The following CLINT1 variants were observed in gnomAD, a reference collection of about 807,000 sequenced individuals.
CLINT1 encodes the protein clathrin interactor 1, also known as clathrin interacting protein localized in the trans-Golgi region.
CLINT1 carries 15 observed loss-of-function variants against 70.4 expected under a neutral mutation model. The observed-to-expected ratio is 0.21, with a 90% CI of 0.14 to 0.33. CLINT1 has a LOEUF of 0.33. Ranked by LOEUF, CLINT1 falls within the 10% of genes least tolerant of loss-of-function variation. The pLI is 1.00. For missense variants in CLINT1, 615 were observed against 778.1 expected, an observed-to-expected ratio of 0.79 and a Z score of 2.49; for synonymous variants, 227 against 254.7, an observed-to-expected ratio of 0.89 and a Z score of 1.04.
intron 10 of CLINT1, 54 bp downstream of exon 10, chr5:157,791,649 T>C: frequency 4.0e-6 from 6 of 1,482,440 alleles, no homozygotes; most frequent in Non-Finnish European, 5.5e-6. Flanking sequence ...TTCAATGAGT[T>C]AGAGCATCTC....
At chr5:157,828,892 C>G (rs1145595) in intron 1 of CLINT1, among the ~76,000 whole-genome samples, 1 of 143,916 alleles carries the variant, frequency 6.9e-6, no homozygotes, top group Admixed American at 7.2e-5. Flanking sequence ...AGTTCGAGAC[C>G]AGCCTGGCCA....
At position 157,817,483 on chromosome 5, in the gene CLINT1, G is replaced by C; in HGVS notation, c.106C>G (p.Pro36Ala). ...ATGAGTTGCCCAGAAGGTCCCCAAG[G>C]ATCATCGTTCGTTGCCTCTCGAACC... is the stretch of plus-strand genomic sequence containing the variant. ...SKVREATNDD[P>A]WGPSGQLMGE... is the part of the protein sequence containing the mutation. Residue 36 changes from proline (P) to alanine (A), a missense_variant, in exon 2 of 12, where the codon CCT (proline) becomes GCT (alanine). By Grantham distance (27) the Pro-to-Ala change is conservative (BLOSUM62 -1). Transcript: ENST00000411809. 1 of 1,605,856 alleles carries C rather than the reference G, an allele frequency of 6.2e-7. No homozygotes were observed. Among genetic ancestry groups the C allele is most frequent in the Non-Finnish European group, 8.5e-7 (1 of 1,175,720 alleles).
rs34428070 is a variant in CLINT1, at chr5:157,787,512, CT to C, written c.*133del. ...GGATATTTCACTTTTATAAAACAGC[CT>C]TTTTGGTTCTTTATGTAGATTTATT... On this transcript the variant is annotated 3_prime_UTR_variant, in exon 12 of 12. Coordinates refer to ENST00000411809, the MANE Select transcript of CLINT1 (RefSeq NM_014666.4). 2 of 798,556 alleles carry C rather than the reference CT, an allele frequency of 2.5e-6. No homozygotes were observed. The highest frequency in any genetic ancestry group is 2.0e-6 in the Non-Finnish European group (1 of 501,754). The allele number at this position is 798,556 out of a possible 1,614,324, so 49.5% of individuals were successfully genotyped here.
chr5:157,795,066 A>G, intron 8 of CLINT1, 94 bp from the exon 9 acceptor site: 1 of 953,004 alleles, frequency 1.0e-6, no homozygotes, highest in Admixed American at 2.1e-5. Context: ...AAAGTACCTA[A>G]TATTAGAGGC....
At chr5:157,851,997 C>T (rs2113335087) in intron 1 of CLINT1, among the ~76,000 whole-genome samples, 1 of 152,326 alleles carries the variant, frequency 6.6e-6, no homozygotes, top group East Asian at 1.9e-4. Flanking sequence ...CTTGTATATA[C>T]TGTTTGTCCA....
At chr5:157,826,182 C>T (rs1286264982) in intron 1 of CLINT1, among the ~76,000 whole-genome samples, 1 of 152,084 alleles carries the variant, frequency 6.6e-6, no homozygotes, top group African/African-American at 2.4e-5. Context: ...TTGTGTGTAT[C>T]TTCAAAATTA....
intron 1 of CLINT1, among the ~76,000 whole-genome samples, chr5:157,837,196 G>A (rs150920916): frequency 6.6e-6 from 1 of 152,260 alleles, no homozygotes; most frequent in Non-Finnish European, 1.5e-5. Flanking sequence ...GAGCCCGGGA[G>A]TTTAAGACCA....
At chr5:157,795,079 A>C (rs1238261152) in intron 8 of CLINT1, 107 bp from the exon 9 acceptor site, 2 of 823,774 alleles carry the variant, frequency 2.4e-6, no homozygotes, top group African/African-American at 3.4e-5. Flanking sequence ...TTAGAGGCCC[A>C]GATGCCTCAC....
rs983958784 is a variant in CLINT1, at chr5:157,794,471, T to C, written c.1087+427A>G. 2.6e-5 allele frequency among the ~76,000 whole-genome samples: 4 copies of C among 152,216 alleles called. No homozygotes were observed. In the South Asian group the frequency reaches 8.3e-4, roughly 32 times the overall value. Reference sequence around the variant, plus strand: ...CAGTTATTTTTCACATAAATGCTTTTAAGATATCTAAATTAAAAAGGAATG... The same window carrying C: ...CAGTTATTTTTCACATAAATGCTTTCAAGATATCTAAATTAAAAAGGAATG... On this transcript the variant is annotated intron_variant, in intron 9 of 11. Transcript: ENST00000411809.
At chr5:157,832,704 A>AT (rs1763285249) in intron 1 of CLINT1, among the ~76,000 whole-genome samples, 1 of 152,190 alleles carries the variant, frequency 6.6e-6, no homozygotes, top group South Asian at 2.1e-4. Context: ...CTCCTACTGT[A>AT]TCAGTGGACA....
At chr5:157,789,710 A>G in intron 10 of CLINT1, 197 bp from the exon 11 acceptor site, 1 of 682,384 alleles carries the variant, frequency 1.5e-6, no homozygotes, top group Admixed American at 2.9e-5. Context: ...CTGAATCATT[A>G]GCTTCCCAAA....
At chr5:157,829,689 A>ATTTTT (rs3075709) in intron 1 of CLINT1, among the ~76,000 whole-genome samples, 138 of 109,064 alleles carry the variant, frequency 1.3e-3, no homozygotes, top group Non-Finnish European at 1.8e-3. Context: ...ACACCCAGCT[A>ATTTTT]TTTTTTTTTT....
intron 1 of CLINT1, among the ~76,000 whole-genome samples, chr5:157,853,368 C>T (rs970295390): frequency 6.6e-6 from 1 of 151,086 alleles, no homozygotes; most frequent in Admixed American, 6.6e-5. Context: ...AAAAAAAAGT[C>T]CAGAAAAAGA....
intron 1 of CLINT1, among the ~76,000 whole-genome samples, chr5:157,844,988 A>T (rs947113936): frequency 6.6e-6 from 1 of 152,162 alleles, no homozygotes; most frequent in Non-Finnish European, 1.5e-5. Flanking sequence ...GGTCAGAAAA[A>T]ATTCCTTCTA....
At chr5:157,839,635 A>C (rs111662080) in intron 1 of CLINT1, among the ~76,000 whole-genome samples, 19,681 of 151,152 alleles carry the variant, frequency 0.13, 1,552 homozygotes, top group Non-Finnish European at 0.19. Flanking sequence ...ACAAAAAAAA[A>C]CAGAACTTTG....
chr5:157,803,243 A>G (rs1366499832), intron 8 of CLINT1, among the ~76,000 whole-genome samples: 2 of 152,272 alleles, frequency 1.3e-5, no homozygotes, highest in Non-Finnish European at 2.9e-5. Flanking sequence ...ATAGATTCCA[A>G]AATCTATGAT....
rs544425750 is a variant in CLINT1 at position 157,827,035 on chromosome 5, T to C, written c.42-9488A>G. Among the ~76,000 whole-genome samples the C allele has an allele frequency of 2.0e-4, 30 of 152,284 alleles. No homozygotes were observed. In the East Asian group the frequency reaches 5.6e-3, roughly 28 times the overall value. ...TTCCAGTATTGGTTCAATTAATAGT[T>C]TGGATGGGGCAAAATTAACCAGACT... On this transcript the variant is annotated intron_variant, in intron 1 of 11. Transcript: ENST00000411809.
rs1421568851 is a variant in CLINT1, at chr5:157,786,731, T to A, written c.*915A>T. 6.6e-6 allele frequency: 1 copy of A among 152,542 alleles called. No individual in the cohort carries two copies. The highest frequency in any genetic ancestry group is 1.9e-4 in the East Asian group (1 of 5,200). The allele number at this position is 152,542 out of a possible 1,614,324, so 9.4% of individuals were successfully genotyped here. A position where few individuals can be genotyped will look rare whatever the true frequency, so the allele number is the denominator to read the frequency against. ...TTGAGTTGTAACATTTATATTTAAC[T>A]TAAGGTTTTAATGGATTTTTACCTT... On this transcript the variant is annotated 3_prime_UTR_variant, in exon 12 of 12. Coordinates refer to ENST00000411809, the MANE Select transcript of CLINT1 (RefSeq NM_014666.4).
chr5:157,845,924 T>C (rs895162595), intron 1 of CLINT1, among the ~76,000 whole-genome samples: 4 of 152,184 alleles, frequency 2.6e-5, no homozygotes, highest in Non-Finnish European at 2.9e-5. Context: ...CTGTGATCAG[T>C]GATCTTTGAT....
Sources: allele counts gnomAD v4.1 joint callset (sites outside exome capture counted in the v4.1 genomes callset), GRCh38; gene constraint gnomAD v4.1.1; transcripts MANE v1.5; gene names NCBI Gene and HGNC (gene_info 2026-07-23, HGNC 2026-07-21).